Variants in PXDNL observed in about 807,000 individuals in gnomAD.
PXDNL encodes the protein probable oxidoreductase PXDNL.
A neutral mutation model predicts 150.8 loss-of-function variants in PXDNL; 145 were observed. The observed-to-expected ratio is 0.96, with a 90% CI of 0.84 to 1.10. PXDNL has a LOEUF of 1.10. Ranked by LOEUF, PXDNL falls within the 50% of genes least tolerant of loss-of-function variation. The pLI is 0.00. For synonymous variants in PXDNL, 757 were observed against 725.7 expected (o/e 1.04, Z -0.69); for missense variants, 2,087 against 1,873.9 (o/e 1.11, Z -2.10).
intron 3 of PXDNL, among the ~76,000 whole-genome samples, chr8:51,565,668 A>ATTTTGT (rs1409851568): frequency 8.6e-5 from 13 of 151,944 alleles, no homozygotes; most frequent in Admixed American, 8.5e-4. Context: ...GGTTCAATGT[A>ATTTTGT]CACATAATTT....
At position 51,408,427 on chromosome 8, in the gene PXDNL, C is replaced by A; in HGVS notation, c.3197G>T (p.Arg1066Leu). The change falls in exon 17 of 23, where the codon CGA (arginine) becomes CTA (leucine). Residue 1066 changes from arginine (R) to leucine (L), a missense_variant. Arg to Leu is a moderately radical substitution (Grantham distance 102, BLOSUM62 -2). Coordinates refer to ENST00000356297, the MANE Select transcript of PXDNL (RefSeq NM_144651.5). ...AATTTCACCTAAGGTGGCATTCAGT[C>A]GGTAAAGAATAGGATTGATTAATGT... ...GHTLINPILYRLNATLGEISE... is the reference protein window; with the variant it reads ...GHTLINPILYLLNATLGEISE... The A allele has an allele frequency of 3.7e-6, 6 of 1,613,978 alleles. No homozygotes were observed. The highest frequency in any genetic ancestry group is 5.1e-6 in the Non-Finnish European group (6 of 1,179,874).
chr8:51,570,987 G>T (rs987039804), intron 3 of PXDNL, among the ~76,000 whole-genome samples: 7 of 151,424 alleles, frequency 4.6e-5, no homozygotes, highest in African/African-American at 1.5e-4. Context: ...CTAAAACTAT[G>T]TTCTGCATTA....
intron 2 of PXDNL, among the ~76,000 whole-genome samples, chr8:51,612,556 C>T (rs971152241): frequency 3.9e-5 from 6 of 152,152 alleles, no homozygotes; most frequent in African/African-American, 1.4e-4. Context: ...GAAATCCTAA[C>T]TCCTAAGGTG....
chr8:51,565,324 AG>A (rs200871716), intron 3 of PXDNL, among the ~76,000 whole-genome samples: 1,681 of 100,858 alleles, frequency 0.017, 10 homozygotes, highest in African/African-American at 0.026. Context: ...ATAAATAAAT[AG>A]ATAGATAGAT....
chr8:51,640,987 G>A (rs543402549), intron 2 of PXDNL, among the ~76,000 whole-genome samples: 1 of 152,220 alleles, frequency 6.6e-6, no homozygotes, highest in South Asian at 2.1e-4. Flanking sequence ...AAACAGCATG[G>A]TACTGGTACC....
intron 21 of PXDNL, among the ~76,000 whole-genome samples, chr8:51,323,742 T>C (rs113106968): frequency 0.34 from 50,832 of 151,434 alleles, 10,174 homozygotes; most frequent in African/African-American, 0.56. Context: ...GGTGAAACCC[T>C]GTCTCTACTA....
At chr8:51,562,620 A>G (rs1812740845) in intron 3 of PXDNL, among the ~76,000 whole-genome samples, 1 of 152,004 alleles carries the variant, frequency 6.6e-6, no homozygotes, top group African/African-American at 2.4e-5. Flanking sequence ...GGGAGCAATG[A>G]AAAGCCTAAA....
chr8:51,755,933 G>T (rs2037095381), intron 1 of PXDNL, among the ~76,000 whole-genome samples: 1 of 152,114 alleles, frequency 6.6e-6, no homozygotes, highest in African/African-American at 2.4e-5. Context: ...TATTAGGTTG[G>T]TGCAAAAGTA....
At chr8:51,767,892 GAGTCA>G (rs1197578359) in intron 1 of PXDNL, among the ~76,000 whole-genome samples, 1 of 152,188 alleles carries the variant, frequency 6.6e-6, no homozygotes, top group East Asian at 1.9e-4. Context: ...AGATAATTAT[GAGTCA>G]AGTCAAGTCA....
At chr8:51,591,776 G>A (rs1813449607) in intron 3 of PXDNL, among the ~76,000 whole-genome samples, 1 of 152,030 alleles carries the variant, frequency 6.6e-6, no homozygotes, top group African/African-American at 2.4e-5. Flanking sequence ...CCACCACCAT[G>A]CCTGGCTAAT....
rs150413963 is a variant in PXDNL, at chr8:51,745,490, C to T, written c.164+63691G>A. 4.6e-5 allele frequency among the ~76,000 whole-genome samples: 7 copies of T among 152,250 alleles called. No individual in the cohort carries two copies. In the East Asian group the frequency reaches 1.4e-3, roughly 29 times the overall value. Reference sequence around the variant, plus strand: ...ACAAAATTATTTTCAAATTTATATTCTTATAAAAAGCTAATTAAAAGAAAG... The same window carrying T: ...ACAAAATTATTTTCAAATTTATATTTTTATAAAAAGCTAATTAAAAGAAAG... On this transcript the variant is annotated intron_variant, in intron 1 of 22. Coordinates refer to ENST00000356297, the MANE Select transcript of PXDNL (RefSeq NM_144651.5).
chr8:51,494,092 C>T (rs1211286893), intron 5 of PXDNL, among the ~76,000 whole-genome samples: 1 of 152,150 alleles, frequency 6.6e-6, no homozygotes, highest in Non-Finnish European at 1.5e-5. Flanking sequence ...TCAGCAGAAA[C>T]TCTACAAGCC....
intron 3 of PXDNL, among the ~76,000 whole-genome samples, chr8:51,581,222 C>T (rs1000565364): frequency 6.6e-6 from 1 of 152,092 alleles, no homozygotes; most frequent in Non-Finnish European, 1.5e-5. Context: ...TATTACCAAA[C>T]AGCTTCATAA....
chr8:51,588,871 T>G (rs1386197925), intron 3 of PXDNL, among the ~76,000 whole-genome samples: 1 of 152,104 alleles, frequency 6.6e-6, no homozygotes, highest in Admixed American at 6.5e-5. Context: ...TAGTAATATG[T>G]AAAATATGGA....
chr8:51,559,330 A>AACCCCC (rs1812664794), intron 3 of PXDNL, among the ~76,000 whole-genome samples: 2 of 98,066 alleles, frequency 2.0e-5, no homozygotes, highest in Admixed American at 1.1e-4. Flanking sequence ...TTTCTTCCAA[A>AACCCCC]CCCCCCCCCC....
chr8:51,747,433 T>C (rs1346026829), intron 1 of PXDNL, among the ~76,000 whole-genome samples: 1 of 152,258 alleles, frequency 6.6e-6, no homozygotes, highest in Non-Finnish European at 1.5e-5. Flanking sequence ...TGAGTTAATC[T>C]ACTCATTTAC....
rs2037377507 is a variant in PXDNL, at chr8:51,778,371, CGGTGACTTTGGAG to C, written c.164+30797_164+30809del. On this transcript the variant is annotated intron_variant, in intron 1 of 22. Coordinates refer to ENST00000356297, the MANE Select transcript of PXDNL (RefSeq NM_144651.5). ...TTTTTCACTACTATGAAATTCATGA[CGGTGACTTTGGAG>C]GGTGACTACTGGGAAGTTCTTTCCT... is the stretch of plus-strand genomic sequence containing the variant. Among the ~76,000 whole-genome samples, 6 of 152,252 alleles carry C rather than the reference CGGTGACTTTGGAG, an allele frequency of 3.9e-5. No homozygotes were observed. The South Asian group carries it at 1.2e-3, about 32-fold the overall frequency.
intron 14 of PXDNL, among the ~76,000 whole-genome samples, chr8:51,415,059 C>CGG (rs113078378): frequency 3.3e-5 from 5 of 152,086 alleles, no homozygotes; most frequent in South Asian, 2.1e-4. Flanking sequence ...CCTTCTTTGG[C>CGG]GGGGGGGAGA....
At chr8:51,387,365 G>A (rs1807749916) in intron 17 of PXDNL, among the ~76,000 whole-genome samples, 1 of 152,170 alleles carries the variant, frequency 6.6e-6, no homozygotes, top group Non-Finnish European at 1.5e-5. Flanking sequence ...CCAGTGAGGG[G>A]CTATAAGGAG....
Sources: gnomAD v4.1 joint callset for allele counts (sites outside exome capture counted in the v4.1 genomes callset) on GRCh38, gnomAD v4.1.1 for gene constraint, MANE v1.5 for transcripts, NCBI Gene and HGNC (gene_info 2026-07-23, HGNC 2026-07-21) for gene names.